Variants in DST observed in about 807,000 individuals in gnomAD.
DST encodes bullous pemphigoid antigen.
DST carries 253 observed loss-of-function variants against 875.2 expected under a neutral mutation model. The ratio of observed to expected loss-of-function variants is 0.29; its 90% confidence interval spans 0.26 to 0.32. DST has a LOEUF of 0.32. Ranked by LOEUF, DST falls within the 10% of genes least tolerant of loss-of-function variation. The pLI, the probability that DST is intolerant of heterozygous loss-of-function variation, is 1.00. For missense variants in DST, 8,287 were observed against 9,111.6 expected (o/e 0.91, Z 3.68); for synonymous variants, 3,124 against 3,197.1 (o/e 0.98, Z 0.77).
intron 3 of DST, among the ~76,000 whole-genome samples, chr6:56,871,932 C>T (rs1264824139): frequency 1.3e-5 from 2 of 152,140 alleles, no homozygotes; most frequent in East Asian, 3.8e-4. Context: ...AAGAACGTGG[C>T]TCCTCATGCT....
At chr6:56,819,095 A>G (rs2099770032) in intron 4 of DST, among the ~76,000 whole-genome samples, 1 of 152,204 alleles carries the variant, frequency 6.6e-6, no homozygotes, top group Non-Finnish European at 1.5e-5. Flanking sequence ...CACTTCCTTT[A>G]AGCCATTTCA....
intron 73 of DST, among the ~76,000 whole-genome samples, chr6:56,510,996 T>C (rs1417871221): frequency 1.3e-5 from 2 of 152,134 alleles, no homozygotes; most frequent in East Asian, 3.9e-4. Context: ...TTGTATTATA[T>C]CTATAAGCAG....
At chr6:56,581,691 T>G (rs1251849469) in intron 49 of DST, among the ~76,000 whole-genome samples, 1 of 152,250 alleles carries the variant, frequency 6.6e-6, no homozygotes, top group Non-Finnish European at 1.5e-5. Flanking sequence ...AAGCAACTCA[T>G]GCTCCTCTTC....
chr6:56,472,254 G>C (rs767960110), intron 93 of DST, 32 bp from the exon 94 acceptor site: 6 of 1,604,152 alleles, frequency 3.7e-6, no homozygotes, highest in Non-Finnish European at 5.1e-6. Context: ...TAGGATGGCA[G>C]TTTCCAGGGT....
At chr6:56,790,203 A>T (rs35873865) in intron 4 of DST, among the ~76,000 whole-genome samples, 18,680 of 152,040 alleles carry the variant, frequency 0.12, 1,584 homozygotes, top group Non-Finnish European at 0.19. Flanking sequence ...AAAAAAAAAA[A>T]TTTTTAACTG....
chr6:56,658,573 G>A (rs1288645915), intron 10 of DST, among the ~76,000 whole-genome samples: 2 of 152,144 alleles, frequency 1.3e-5, no homozygotes, highest in Non-Finnish European at 2.9e-5. Context: ...GGCAATGTGC[G>A]CAGGTTACCA....
Position 56,553,039 on chromosome 6 carries a change from G to C in DST, c.15753C>G (p.Ile5251Met). 1 of 1,613,786 alleles carries C rather than the reference G, an allele frequency of 6.2e-7. No homozygotes were observed. Among genetic ancestry groups the C allele is most frequent in the African/African-American group, 1.3e-5 (1 of 75,006 alleles). The part of the protein sequence containing the change: ...EVVTDENKSL[I>M]QKVDMVTEQL... ...GTTCAGTGACCATGTCCACCTTCTG[G>C]ATCAGTGACTTATTCTCATCTGTAA... The change falls in exon 61 of 104, where the codon ATC (isoleucine) becomes ATG (methionine). Residue 5251 changes from isoleucine to methionine, a missense_variant. Ile to Met is a conservative substitution (Grantham distance 10). This residue lies in a region of DST where 1,513 missense variants were observed against 1,677.8 expected (regional missense o/e 0.90). Transcript: ENST00000680361.
At chr6:56,674,016 T>C (rs930341758) in intron 9 of DST, among the ~76,000 whole-genome samples, 1 of 152,248 alleles carries the variant, frequency 6.6e-6, no homozygotes, top group African/African-American at 2.4e-5. Context: ...ATAAGTTAAA[T>C]GCTAAAAATT....
intron 58 of DST, among the ~76,000 whole-genome samples, chr6:56,558,304 T>G (rs146747030): frequency 9.5e-4 from 145 of 152,280 alleles, no homozygotes; most frequent in Middle Eastern, 3.4e-3. Context: ...CATGTGATAA[T>G]TTAACACAAT....
intron 10 of DST, among the ~76,000 whole-genome samples, chr6:56,665,355 C>A (rs2099067077): frequency 6.6e-6 from 1 of 152,138 alleles, no homozygotes; most frequent in Non-Finnish European, 1.5e-5. Flanking sequence ...GGGGCAAAGA[C>A]TTTAGTTGTC....
At chr6:56,862,938 C>T (rs1772023617) in intron 3 of DST, 1 of 152,258 alleles carries the variant, frequency 6.6e-6, no homozygotes, top group African/African-American at 2.4e-5. Flanking sequence ...CCAGTCAAGT[C>T]ATACAAGGAG....
intron 2 of DST, among the ~76,000 whole-genome samples, chr6:56,934,443 C>A (rs1811784576): frequency 6.6e-6 from 1 of 151,030 alleles, no homozygotes; most frequent in Non-Finnish European, 1.5e-5. Flanking sequence ...CTTATAAATT[C>A]CAGCACACTG....
At chr6:56,828,108 A>G (rs1051045722) in intron 4 of DST, among the ~76,000 whole-genome samples, 5 of 152,196 alleles carry the variant, frequency 3.3e-5, no homozygotes, top group African/African-American at 1.2e-4. Flanking sequence ...GGAAGGATCC[A>G]GATCCAGCAT....
At chr6:56,738,770 A>G (rs914301707) in intron 4 of DST, among the ~76,000 whole-genome samples, 1 of 151,674 alleles carries the variant, frequency 6.6e-6, no homozygotes, top group Non-Finnish European at 1.5e-5. Context: ...CTACAGGTGC[A>G]TGTCACCACG....
At chr6:56,519,474 C>T (rs756769341) in intron 69 of DST, among the ~76,000 whole-genome samples, 1 of 152,152 alleles carries the variant, frequency 6.6e-6, no homozygotes, top group African/African-American at 2.4e-5. Flanking sequence ...ATCATCCTGT[C>T]AGTTGAGACC....
chr6:56,597,708 T>C (rs772104879), intron 47 of DST, 32 bp downstream of exon 47: 33 of 1,583,360 alleles, frequency 2.1e-5, no homozygotes, highest in South Asian at 1.2e-4. Flanking sequence ...GGAAATAGAA[T>C]TGAACGATAT....
intron 2 of DST, among the ~76,000 whole-genome samples, chr6:56,902,288 T>C (rs528262997): frequency 1.3e-5 from 2 of 152,190 alleles, no homozygotes; most frequent in Non-Finnish European, 2.9e-5. Flanking sequence ...TTCTGAATTT[T>C]TGAAGATGTA....
chr6:56,466,697 G>C (rs1057456050), intron 98 of DST: 2 of 152,124 alleles, frequency 1.3e-5, no homozygotes, highest in African/African-American at 4.8e-5. Context: ...TTTTCTGTAA[G>C]GGCAGTTTTC....
chr6:56,733,460 G>A (rs1350604215), intron 5 of DST, among the ~76,000 whole-genome samples: 1 of 152,172 alleles, frequency 6.6e-6, no homozygotes, highest in Admixed American at 6.5e-5. Context: ...CTCATTTATA[G>A]AGTGCCTAAC....
Sources: gnomAD v4.1 joint callset for allele counts (sites outside exome capture counted in the v4.1 genomes callset) on GRCh38, gnomAD v4.1.1 for gene constraint, gnomAD v4.1.1 regional missense constraint, MANE v1.5 for transcripts, NCBI Gene and HGNC (gene_info 2026-07-23, HGNC 2026-07-21) for gene names.